Variants in AADAC observed in about 807,000 individuals in gnomAD.
AADAC encodes the protein arylacetamide deacetylase, also known as arylacetamide deacetylase (esterase).
Under a neutral mutation model 22.7 loss-of-function variants are expected in AADAC, and 17 were observed. That is an observed-to-expected ratio of 0.75 (90% CI 0.51 to 1.12). The LOEUF is 1.12. Among genes scored for constraint, AADAC ranks in the 50% most tolerant of loss-of-function variants. The pLI is 0.00. For missense variants in AADAC, 465 were observed against 473.9 expected (o/e 0.98, Z 0.17); for synonymous variants, 167 against 176.3 (o/e 0.95, Z 0.42).
At chr3:151,823,977 T>C (rs1394125497) in intron 3 of AADAC, among the ~76,000 whole-genome samples, 1 of 152,042 alleles carries the variant, frequency 6.6e-6, no homozygotes, top group African/African-American at 2.4e-5. Context: ...ATTTGCATTA[T>C]TTTTGACTGT....
At chr3:151,816,695 C>T (rs1716000568) in intron 1 of AADAC, among the ~76,000 whole-genome samples, 1 of 152,106 alleles carries the variant, frequency 6.6e-6, no homozygotes, top group South Asian at 2.1e-4. Context: ...AAGGCATATA[C>T]ATTTTTAGCA....
Position 151,816,062 on chromosome 3 carries a change from C to T in AADAC, c.139-1304C>T, listed in dbSNP as rs192403605. 8.7e-4 allele frequency among the ~76,000 whole-genome samples: 133 copies of T among 152,146 alleles called. 3 individuals carry two copies. Among genetic ancestry groups the T allele is most frequent in the Non-Finnish European group, 8.7e-4 (59 of 67,952 alleles). ...TCTGACATGGATAAGAAAATGTTAT[C>T]TTCCTCCCATATAAGCAAGTTGTTA... On this transcript the variant is annotated intron_variant, in intron 1 of 4. Coordinates refer to ENST00000232892, the MANE Select transcript of AADAC (RefSeq NM_001086.3).
intron 4 of AADAC, 43 bp from the exon 5 acceptor site, chr3:151,827,529 TATTG>T: frequency 9.1e-7 from 1 of 1,101,182 alleles, no homozygotes; most frequent in Non-Finnish European, 1.3e-6. Flanking sequence ...AGGGATATTT[TATTG>T]TTTTAAATGA....
intron 4 of AADAC, among the ~76,000 whole-genome samples, chr3:151,825,248 A>T (rs1716437678): frequency 6.6e-6 from 1 of 151,684 alleles, no homozygotes; most frequent in East Asian, 1.9e-4. Context: ...GCCTGGCATA[A>T]TAGTGTAAGT....
intron 4 of AADAC, among the ~76,000 whole-genome samples, chr3:151,825,387 T>G (rs1261164505): frequency 6.6e-6 from 1 of 151,838 alleles, no homozygotes; most frequent in Non-Finnish European, 1.5e-5. Context: ...AATAAGGCCC[T>G]GTCTCTTAAA....
chr3:151,815,929 A>T (rs1327962233), intron 1 of AADAC, among the ~76,000 whole-genome samples: 1 of 152,026 alleles, frequency 6.6e-6, no homozygotes, highest in African/African-American at 2.4e-5. Flanking sequence ...TGTTATGAAC[A>T]TTACATCAAG....
At chr3:151,819,971 C>G (rs1716167050) in intron 2 of AADAC, among the ~76,000 whole-genome samples, 1 of 152,038 alleles carries the variant, frequency 6.6e-6, no homozygotes, top group South Asian at 2.1e-4. Flanking sequence ...ACAATTCTGT[C>G]TATATCTCCT....
chr3:151,821,165 A>G (rs1167773097), intron 3 of AADAC, among the ~76,000 whole-genome samples: 1 of 151,954 alleles, frequency 6.6e-6, no homozygotes, highest in African/African-American at 2.4e-5. Flanking sequence ...CACTGTGAAG[A>G]GTAAGTGATA....
chr3:151,816,091 T>C (rs947140581), intron 1 of AADAC, among the ~76,000 whole-genome samples: 2 of 152,166 alleles, frequency 1.3e-5, no homozygotes, highest in East Asian at 3.9e-4. Flanking sequence ...GTTGTTAATA[T>C]TACTGAGATG....
At chr3:151,824,874 C>A in intron 4 of AADAC, 40 bp downstream of exon 4, 1 of 1,412,974 alleles carries the variant, frequency 7.1e-7, no homozygotes, top group Non-Finnish European at 9.3e-7. Flanking sequence ...AATAGCGTTT[C>A]TACGCTGTTT....
chr3:151,826,480 T>A (rs1330120842), intron 4 of AADAC, among the ~76,000 whole-genome samples: 1 of 151,952 alleles, frequency 6.6e-6, no homozygotes, highest in Non-Finnish European at 1.5e-5. Context: ...CAATGGTCTA[T>A]TTTGATAATT....
chr3:151,816,349 T>C (rs1715988987), intron 1 of AADAC, among the ~76,000 whole-genome samples: 1 of 152,144 alleles, frequency 6.6e-6, no homozygotes, highest in Non-Finnish European at 1.5e-5. Context: ...GGAAAAGGTA[T>C]TTATTTCAAG....
intron 1 of AADAC, among the ~76,000 whole-genome samples, chr3:151,815,530 A>G (rs1715946493): frequency 6.6e-6 from 1 of 151,950 alleles, no homozygotes; most frequent in African/African-American, 2.4e-5. Flanking sequence ...AGAAAGGGAC[A>G]CATTTTTTTC....
intron 4 of AADAC, among the ~76,000 whole-genome samples, chr3:151,825,208 CAAA>C (rs796642848): frequency 1.0e-5 from 1 of 100,426 alleles, no homozygotes; most frequent in Admixed American, 9.8e-5. Context: ...CCTGTCTCTA[CAAA>C]AAAAAAAAAA....
chr3:151,820,284 C>T, intron 2 of AADAC, 99 bp from the exon 3 acceptor site: 1 of 721,080 alleles, frequency 1.4e-6, no homozygotes, highest in East Asian at 2.9e-5. Context: ...ATAGAACTGC[C>T]AGAACGTGAA....
chr3:151,814,793 C>A (rs144961681), intron 1 of AADAC, among the ~76,000 whole-genome samples: 1 of 151,964 alleles, frequency 6.6e-6, no homozygotes, highest in Non-Finnish European at 1.5e-5. Context: ...AACCACGAGA[C>A]GGCACAATAT....
At chr3:151,824,227 T>C (rs922685849) in intron 3 of AADAC, among the ~76,000 whole-genome samples, 1 of 152,008 alleles carries the variant, frequency 6.6e-6, no homozygotes, top group Non-Finnish European at 1.5e-5. Flanking sequence ...GGGTAAATGA[T>C]TTGTGGTATA....
chr3:151,826,805 G>T (rs1344401113), intron 4 of AADAC, among the ~76,000 whole-genome samples: 1 of 151,882 alleles, frequency 6.6e-6, no homozygotes, highest in Non-Finnish European at 1.5e-5. Context: ...CAGAAGTCTT[G>T]CCCAAATCTC....
Position 151,827,841 on chromosome 3 carries a change from G to A in AADAC, c.869G>A (p.Arg290Lys). ...FVNWSSLLPE[R>K]FIKGHVYNNP... ...AATTGGAGTTCCCTGCTCCCTGAGA[G>A]GTTTATAAAAGGACATGTTTATAAC... Residue 290 changes from arginine to lysine, a missense_variant, in exon 5 of 5, where the codon AGG becomes AAG. Physicochemically the swap from Arg to Lys is conservative, Grantham distance 26. Coordinates refer to ENST00000232892, the MANE Select transcript of AADAC (RefSeq NM_001086.3). 6.2e-7 allele frequency: 1 copy of A among 1,613,230 alleles called. No individual in the cohort carries two copies. Among genetic ancestry groups the A allele is most frequent in the Non-Finnish European group, 8.5e-7 (1 of 1,179,610 alleles).
Sources: allele counts gnomAD v4.1 joint callset (sites outside exome capture counted in the v4.1 genomes callset), GRCh38; gene constraint gnomAD v4.1.1; transcripts MANE v1.5; gene names NCBI Gene and HGNC (gene_info 2026-07-23, HGNC 2026-07-21).